Variants in PLCL1 observed in about 807,000 individuals in gnomAD.
The protein encoded by PLCL1 is inactive phospholipase C-like protein 1.
PLCL1 carries 41 observed loss-of-function variants against 84.4 expected under a neutral mutation model. The ratio of observed to expected loss-of-function variants is 0.49; its 90% CI spans 0.38 to 0.63. PLCL1 has a LOEUF of 0.63. PLCL1 is among the 30% of genes least tolerant of loss of function. PLCL1 has a pLI of 0.00. For synonymous variants in PLCL1, 490 were observed against 488.3 expected, an observed-to-expected ratio of 1.00 and a Z score of -0.05; for missense variants, 1,206 against 1,367.8, an observed-to-expected ratio of 0.88 and a Z score of 1.87.
chr2:197,853,962 C>A (rs1687287127), intron 1 of PLCL1, among the ~76,000 whole-genome samples: 1 of 152,160 alleles, frequency 6.6e-6, no homozygotes, highest in African/African-American at 2.4e-5. Context: ...TCATCTGGAC[C>A]AGTTCCTCAG....
chr2:198,136,752 A>T (rs746092315), intron 5 of PLCL1, among the ~76,000 whole-genome samples: 83 of 152,146 alleles, frequency 5.5e-4, no homozygotes, highest in South Asian at 1.2e-3. Flanking sequence ...GATGCCTGTC[A>T]TGAATATGAT....
intron 1 of PLCL1, among the ~76,000 whole-genome samples, chr2:198,043,018 T>C (rs1343936784): frequency 6.6e-6 from 1 of 152,100 alleles, no homozygotes; most frequent in Non-Finnish European, 1.5e-5. Context: ...ACCAATGATT[T>C]CCAAGAGAGG....
chr2:198,017,435 C>T (rs1326303156), intron 1 of PLCL1, among the ~76,000 whole-genome samples: 1 of 152,216 alleles, frequency 6.6e-6, no homozygotes, highest in Non-Finnish European at 1.5e-5. Flanking sequence ...TCCTATGCAG[C>T]TGCCTACCAT....
intron 1 of PLCL1, among the ~76,000 whole-genome samples, chr2:197,814,041 C>T (rs1315713144): frequency 6.6e-6 from 1 of 152,176 alleles, no homozygotes; most frequent in Non-Finnish European, 1.5e-5. Context: ...GCCTTCCTTT[C>T]ACATAAAATA....
intron 1 of PLCL1, among the ~76,000 whole-genome samples, chr2:197,900,930 G>C (rs1236014225): frequency 6.6e-6 from 1 of 152,082 alleles, no homozygotes; most frequent in African/African-American, 2.4e-5. Flanking sequence ...GATTGTAAGT[G>C]TTTTGTTTAA....
chr2:197,881,037 T>C (rs1007655139), intron 1 of PLCL1, among the ~76,000 whole-genome samples: 3 of 152,176 alleles, frequency 2.0e-5, no homozygotes, highest in Non-Finnish European at 2.9e-5. Flanking sequence ...GACTCTGTGG[T>C]TCTCCTTCAG....
At chr2:197,923,659 T>A (rs1286891094) in intron 1 of PLCL1, among the ~76,000 whole-genome samples, 1 of 147,674 alleles carries the variant, frequency 6.8e-6, no homozygotes, top group Non-Finnish European at 1.5e-5. Flanking sequence ...GCGCAGACGC[T>A]CCTCACTTTC....
chr2:198,028,104 G>A (rs1289633031), intron 1 of PLCL1, among the ~76,000 whole-genome samples: 1 of 152,136 alleles, frequency 6.6e-6, no homozygotes, highest in East Asian at 1.9e-4. Context: ...GCCTCCCAAA[G>A]TGTTGGGATT....
intron 1 of PLCL1, among the ~76,000 whole-genome samples, chr2:197,898,743 C>CTTTTTTCTTTTTTTTTTTTTTTTTT (rs1688206305): frequency 2.4e-5 from 1 of 40,876 alleles, no homozygotes; most frequent in Non-Finnish European, 5.2e-5. Flanking sequence ...TTCTTTAGTC[C>CTTTTTTCTTTTTTTTTTTTTTTTTT]TTGACTCAAA....
intron 1 of PLCL1, among the ~76,000 whole-genome samples, chr2:198,048,903 T>C (rs1337959439): frequency 6.6e-6 from 1 of 152,202 alleles, no homozygotes; most frequent in Non-Finnish European, 1.5e-5. Context: ...TTTCAGACCA[T>C]ATTCAGCAAT....
At chr2:198,011,227 C>G (rs1367683239) in intron 1 of PLCL1, among the ~76,000 whole-genome samples, 1 of 151,336 alleles carries the variant, frequency 6.6e-6, no homozygotes, top group Non-Finnish European at 1.5e-5. Flanking sequence ...GATCTTTTTT[C>G]TTTTTTAATG....
intron 1 of PLCL1, among the ~76,000 whole-genome samples, chr2:197,829,954 A>C (rs1691021435): frequency 6.6e-6 from 1 of 152,224 alleles, no homozygotes. Context: ...TACAAGTATA[A>C]ATAAATGAAA....
intron 1 of PLCL1, among the ~76,000 whole-genome samples, chr2:198,051,131 A>T (rs898693322): frequency 1.3e-5 from 2 of 152,216 alleles, no homozygotes; most frequent in African/African-American, 2.4e-5. Flanking sequence ...ATACAAGAAA[A>T]TTATAAGGAG....
intron 5 of PLCL1, among the ~76,000 whole-genome samples, chr2:198,123,349 T>C (rs1693916103): frequency 6.6e-6 from 1 of 152,066 alleles, no homozygotes; most frequent in Non-Finnish European, 1.5e-5. Flanking sequence ...CAAATTTCTA[T>C]GTTGAAATCC....
intron 1 of PLCL1, among the ~76,000 whole-genome samples, chr2:197,811,120 A>C (rs1361559058): frequency 2.6e-5 from 4 of 152,252 alleles, no homozygotes; most frequent in Non-Finnish European, 5.9e-5. Flanking sequence ...CTCCCTATCT[A>C]TCCTAGATCA....
At chr2:197,856,917 A>T (rs1195626486) in intron 1 of PLCL1, among the ~76,000 whole-genome samples, 1 of 151,954 alleles carries the variant, frequency 6.6e-6, no homozygotes, top group Admixed American at 6.6e-5. Flanking sequence ...GTTTTTTCAA[A>T]GTGGTCTAAC....
chr2:197,906,539 A>T (rs1414219050), intron 1 of PLCL1, among the ~76,000 whole-genome samples: 1 of 152,122 alleles, frequency 6.6e-6, no homozygotes, highest in African/African-American at 2.4e-5. Context: ...TGTCTTGGCT[A>T]TACTGGCTCT....
chr2:198,045,239 A>AAT (rs1691758708), intron 1 of PLCL1, among the ~76,000 whole-genome samples: 1 of 152,138 alleles, frequency 6.6e-6, no homozygotes, highest in Non-Finnish European at 1.5e-5. Context: ...TTTTTCTCTT[A>AAT]ACATTTGTAT....
At chr2:197,966,319 A>C (rs1319430025) in intron 1 of PLCL1, among the ~76,000 whole-genome samples, 2 of 152,258 alleles carry the variant, frequency 1.3e-5, no homozygotes, top group East Asian at 3.9e-4. Flanking sequence ...GCACAGCACC[A>C]GGACTTTCCC....
Sources: allele counts gnomAD v4.1 joint callset (sites outside exome capture counted in the v4.1 genomes callset), GRCh38; gene constraint gnomAD v4.1.1; transcripts MANE v1.5; gene names NCBI Gene and HGNC (gene_info 2026-07-23, HGNC 2026-07-21).